KANK2: variants seen among roughly 807,000 people sequenced by gnomAD.
The protein encoded by KANK2 is KN motif and ankyrin repeat domain-containing protein 2.
In KANK2, 41 loss-of-function variants were observed where a neutral mutation model predicts 74.6. The observed-to-expected ratio is 0.55, with a 90% confidence interval of 0.43 to 0.71. The LOEUF is 0.71. Ranked by LOEUF, KANK2 falls within the 30% of genes least tolerant of loss-of-function variation. The pLI is 0.00. For synonymous variants in KANK2, 537 were observed against 519.0 expected (o/e 1.03, Z -0.47); for missense variants, 1,148 against 1,196.4 (o/e 0.96, Z 0.60).
chr19:11,194,649 T>G, intron 2 of KANK2, 59 bp from the exon 3 acceptor site: 1 of 651,434 alleles, frequency 1.5e-6, no homozygotes, highest in East Asian at 2.9e-5. Flanking sequence ...GGGGAGGAGA[T>G]GAGGCCAGCC....
chr19:11,193,990 T>G lies in KANK2; in HGVS notation c.90A>C (p.Pro30=), dbSNP rs746261907. 1.2e-6 allele frequency: 2 copies of G among 1,613,228 alleles called. No homozygotes were observed. The highest frequency in any genetic ancestry group is 1.7e-6 in the Non-Finnish European group (2 of 1,179,604). ...PPAFPAKDPD[P]PYSVETPYGY... ...CATAGGGGGTCTCCACGGAGTAGGG[T>G]GGATCGGGGTCCTTGGCAGGGAAGG... The change falls in exon 4 of 13, where the codon CCA becomes CCC. Residue 30 remains proline (P), a synonymous_variant. Transcript: ENST00000586659. The surrounding 1 kb of genome is among the most constrained non-coding windows in gnomAD (Gnocchi z 9.6).
chr19:11,176,738 G>A lies in KANK2; in HGVS notation c.1600C>T (p.Pro534Ser). Residue 534 changes from proline (P) to serine (S), a missense_variant, in exon 7 of 13, where the codon CCG (proline) becomes TCG (serine). Transcript: ENST00000586659. The stretch of plus-strand genomic sequence containing the variant: ...GCCACACTCGGAACCCTCTCCCTCG[G>A]CTCTGGGGCCTCGTTCTCTGTGCTG... The part of the protein sequence containing the change: ...NDSTENEAPE[P>S]RERVPSVAEA... 6.2e-7 allele frequency: 1 copy of A among 1,608,864 alleles called. No individual in the cohort carries two copies. Among genetic ancestry groups the A allele is most frequent in the Non-Finnish European group, 8.5e-7 (1 of 1,177,036 alleles).
Position 11,166,605 on chromosome 19 carries a change from G to C in KANK2, c.2509C>G (p.Pro837Ala). 6.2e-7 allele frequency: 1 copy of C among 1,614,150 alleles called. No individual in the cohort carries two copies. The highest frequency in any genetic ancestry group is 8.5e-7 in the Non-Finnish European group (1 of 1,179,966). The change falls in exon 13 of 13, where the codon CCA becomes GCA. Residue 837 changes from proline to alanine, a missense_variant. Coordinates refer to ENST00000586659, the MANE Select transcript of KANK2 (RefSeq NM_001136191.3). ...GTAGGGCTCTCGTCATCTGACATTGGGGCAAACTGAAACAGAGAAGCAGAA... is the reference window on the plus strand; with the variant it reads ...GTAGGGCTCTCGTCATCTGACATTGCGGCAAACTGAAACAGAGAAGCAGAA... Reference protein sequence around the residue: ...SRMNIKCSFAPMSDDESPTSS... With the variant: ...SRMNIKCSFAAMSDDESPTSS...
chr19:11,178,755 C>T (rs2078427952), intron 4 of KANK2, 35 bp from the exon 5 acceptor site: 4 of 1,483,480 alleles, frequency 2.7e-6, no homozygotes, highest in Non-Finnish European at 2.7e-6. Context: ...TGCTCTTGGT[C>T]ATAAAAGCCA....
rs777918624 is a variant in KANK2 at position 11,166,544 on chromosome 19, C to T, written c.*14G>A. 38 of 1,613,358 alleles carry T rather than the reference C, an allele frequency of 2.4e-5. No individual in the cohort carries two copies. The highest frequency in any genetic ancestry group is 3.3e-5 in the Admixed American group (2 of 59,992). ...GTTTGCTCCCGGTCTGGCTGGTCCCCGCCTCCCTCACGGCTACTCTTCTGC... is the reference window on the plus strand; with the variant it reads ...GTTTGCTCCCGGTCTGGCTGGTCCCTGCCTCCCTCACGGCTACTCTTCTGC... On this transcript the variant is annotated 3_prime_UTR_variant, in exon 13 of 13. Transcript: ENST00000586659.
At chr19:11,184,803 ACTT>A (rs769154771) in intron 4 of KANK2, among the ~76,000 whole-genome samples, 1 of 147,726 alleles carries the variant, frequency 6.8e-6, no homozygotes, top group Non-Finnish European at 1.5e-5. Context: ...ACTTCAGGGA[ACTT>A]CTTTTTTTTC....
chr19:11,168,177 T>G (rs895451808), intron 12 of KANK2, among the ~76,000 whole-genome samples: 2 of 151,848 alleles, frequency 1.3e-5, no homozygotes, highest in African/African-American at 2.4e-5. Flanking sequence ...TAATATTTTG[T>G]TTTTTTAGTA....
rs1406215871 is a variant in KANK2 at position 11,193,124 on chromosome 19, G to A, written c.956C>T (p.Pro319Leu). The stretch of plus-strand genomic sequence containing the variant: ...CACGCGGACCGGGCTGTCCGGCGGT[G>A]GCCAGGCCTGGGGCTGGGGGTCAGC... ...RQADPQPQAW[P>L]PPDSPVRVDT... The change falls in exon 4 of 13, where the codon CCA becomes CTA. Residue 319 changes from proline to leucine, a missense_variant. Transcript: ENST00000586659. The surrounding 1 kb of genome is among the most constrained non-coding windows in gnomAD (Gnocchi z 9.6). 1.9e-6 allele frequency: 3 copies of A among 1,606,210 alleles called. No homozygotes were observed. Among genetic ancestry groups the A allele is most frequent in the African/African-American group, 2.7e-5 (2 of 74,738 alleles).
Position 11,170,206 on chromosome 19 carries a change from C to A in KANK2, c.2254G>T (p.Val752Leu), listed in dbSNP as rs1298316495. ...ALMLAVSHGR[V>L]DVVKALLACE... is the part of the protein sequence containing the mutation. ...GCCAGCAGGGCTTTGACAACGTCCA[C>A]CCGCCCGTGGCTGACGGCCAGCATC... The change falls in exon 11 of 13, where the codon GTG becomes TTG. Residue 752 changes from valine to leucine, a missense_variant. Transcript: ENST00000586659. The surrounding 1 kb of genome is among the most constrained non-coding windows in gnomAD (Gnocchi z 5.2). 1.2e-6 allele frequency: 2 copies of A among 1,611,218 alleles called. No individual in the cohort carries two copies. The highest frequency in any genetic ancestry group is 1.1e-5 in the South Asian group (1 of 91,082).
At chr19:11,169,670 G>A (rs1278218413) in intron 12 of KANK2, 3 of 596,200 alleles carry the variant, frequency 5.0e-6, no homozygotes, top group Non-Finnish European at 9.0e-6. Context: ...GTGTGGTGGT[G>A]CACACCTGTT....
rs139341354 is a variant in KANK2, at chr19:11,164,989, G to T, written c.*1569C>A. The T allele has an allele frequency of 3.3e-5, 5 of 152,126 alleles. No homozygotes were observed. The highest frequency in any genetic ancestry group is 2.6e-4 in the Admixed American group (4 of 15,252). The allele number at this position is 152,126 out of a possible 1,614,324, so 9.4% of individuals were successfully genotyped here. ...CACTGGCCTCGAAAGGGCAGCGCGC[G>T]TATTTGGTTTGGAGCGCACTCCTGA... On this transcript the variant is annotated 3_prime_UTR_variant, in exon 13 of 13. Coordinates refer to ENST00000586659, the MANE Select transcript of KANK2 (RefSeq NM_001136191.3).
In KANK2 at chr19:11,192,858, T is replaced by A; in HGVS notation, c.1222A>T (p.Thr408Ser). ...NVHMVKKISI[T>S]ERSCDGAAGL... ...GCTGCTCCATCGCAGCTTCGCTCTG[T>A]GATGCTAATCTTCTTCACCATATGG... The change falls in exon 4 of 13, where the codon ACA (threonine) becomes TCA (serine). Residue 408 changes from threonine to serine, a missense_variant. Coordinates refer to ENST00000586659, the MANE Select transcript of KANK2 (RefSeq NM_001136191.3). 1.9e-6 allele frequency: 3 copies of A among 1,576,658 alleles called. No individual in the cohort carries two copies. The South Asian group carries it at 3.3e-5, about 17-fold the overall frequency.
chr19:11,195,755 G>C lies in KANK2; in HGVS notation c.-213C>G, dbSNP rs1056126250. On this transcript the variant is annotated 5_prime_UTR_variant, in exon 2 of 13. Coordinates refer to ENST00000586659, the MANE Select transcript of KANK2 (RefSeq NM_001136191.3). ...TCTCTCCACGTCTCTGTCCTTCTGC[G>C]TCTCTCTCCGTGTCTCTCTCCCTGT... 1 of 152,106 alleles carries C rather than the reference G, an allele frequency of 6.6e-6. No homozygotes were observed. Among genetic ancestry groups the C allele is most frequent in the Non-Finnish European group, 1.5e-5 (1 of 68,150 alleles). The allele number at this position is 152,106 out of a possible 1,614,324, so 9.4% of individuals were successfully genotyped here.
At chr19:11,194,749 C>G in intron 2 of KANK2, 159 bp from the exon 3 acceptor site, 1 of 481,188 alleles carries the variant, frequency 2.1e-6, no homozygotes, top group East Asian at 3.8e-5. Flanking sequence ...AGGGCCCCCC[C>G]CGACCCCCTC....
At chr19:11,174,788 C>T in intron 8 of KANK2, 96 bp from the exon 9 acceptor site, 1 of 974,260 alleles carries the variant, frequency 1.0e-6, no homozygotes, top group Non-Finnish European at 1.6e-6. Flanking sequence ...AGCGTGGTGC[C>T]CTTGTCCTGG....
intron 4 of KANK2, among the ~76,000 whole-genome samples, chr19:11,182,046 T>C (rs1160303266): frequency 6.6e-6 from 1 of 151,084 alleles, no homozygotes; most frequent in Non-Finnish European, 1.5e-5. Flanking sequence ...GCCTCCTGAG[T>C]AGCTGGGATT....
chr19:11,192,624 T>TG (rs1568653258), intron 4 of KANK2: 2 of 567,496 alleles, frequency 3.5e-6, no homozygotes, highest in Admixed American at 2.5e-5. Context: ...TTAGTAGAGA[T>TG]GGGTTTCACC....
intron 3 of KANK2, 72 bp downstream of exon 3, chr19:11,194,403 G>A (rs2078955918): frequency 1.6e-6 from 2 of 1,270,028 alleles, no homozygotes; most frequent in South Asian, 1.2e-5. Flanking sequence ...CCCAGGGCAA[G>A]GTCCCCAGCC....
rs552559422 is a variant in KANK2 at position 11,176,766 on chromosome 19, G to T, written c.1572C>A (p.Asn524Lys). The T allele has an allele frequency of 6.3e-7, 1 of 1,598,204 alleles. No individual in the cohort carries two copies. Among genetic ancestry groups the T allele is most frequent in the African/African-American group, 1.3e-5 (1 of 74,468 alleles). ...CTGGGGCCTCGTTCTCTGTGCTGTC[G>T]TTGTCTGAGATGTTCTCTGCTGTGC... ...DSSTAENISDNDSTENEAPEP... is the reference protein window; with the variant it reads ...DSSTAENISDKDSTENEAPEP... Residue 524 changes from asparagine (N) to lysine (K), a missense_variant, in exon 7 of 13, where the codon AAC becomes AAA. Asn to Lys is a moderately conservative substitution (Grantham distance 94). Transcript: ENST00000586659.
Sources: gnomAD v4.1 joint callset for allele counts (sites outside exome capture counted in the v4.1 genomes callset) on GRCh38, gnomAD v4.1.1 for gene constraint, Gnocchi (gnomAD v3.1) non-coding constraint, MANE v1.5 for transcripts, NCBI Gene and HGNC (gene_info 2026-07-23, HGNC 2026-07-21) for gene names.